The following DLG2 variants were observed in gnomAD, a reference collection of about 807,000 sequenced individuals.
DLG2 encodes the protein discs large MAGUK scaffold protein 2, also known as disks large homolog 2.
Under a neutral mutation model 132.5 loss-of-function variants are expected in DLG2, and 45 were observed. The observed-to-expected ratio is 0.34, with a 90% CI of 0.27 to 0.44. The LOEUF (loss-of-function observed/expected upper bound fraction) is 0.44, where lower values mean the gene tolerates loss of function less well. Among genes scored for constraint, DLG2 ranks in the 20% least tolerant of loss-of-function variants. The pLI is 1.00. For missense variants in DLG2, 1,045 were observed against 1,196.9 expected (o/e 0.87, Z 1.87); for synonymous variants, 424 against 419.6 (o/e 1.01, Z -0.13).
chr11:83,762,506 G>A lies in DLG2; in HGVS notation c.1825+24184C>T, dbSNP rs535558830. On this transcript the variant is annotated intron_variant, in intron 18 of 27. Coordinates refer to ENST00000376104, the MANE Select transcript of DLG2 (RefSeq NM_001142699.3). ...ATATAGATTTTGTCAACACATGTTT[G>A]TGCCATGAGTTTGGGAATTGTAGTA... 1.2e-3 allele frequency among the ~76,000 whole-genome samples: 184 copies of A among 152,252 alleles called. 2 individuals are homozygous for A. The highest frequency in any genetic ancestry group is 4.3e-3 in the African/African-American group (179 of 41,552).
At chr11:84,090,600 C>T (rs2097075007) in intron 10 of DLG2, among the ~76,000 whole-genome samples, 1 of 152,090 alleles carries the variant, frequency 6.6e-6, no homozygotes, top group African/African-American at 2.4e-5. Flanking sequence ...GCCAAAATTA[C>T]ATATGTGAAA....
chr11:84,571,345 C>T (rs915509545), intron 6 of DLG2, among the ~76,000 whole-genome samples: 1 of 151,280 alleles, frequency 6.6e-6, no homozygotes, highest in African/African-American at 2.4e-5. Context: ...TCTTTTCTTT[C>T]TCCTTCCACA....
chr11:85,113,294 A>C (rs979991021), intron 5 of DLG2, among the ~76,000 whole-genome samples: 2 of 152,054 alleles, frequency 1.3e-5, no homozygotes, highest in African/African-American at 4.8e-5. Context: ...ATAGATATAG[A>C]TTCTCCTCAG....
At chr11:85,563,562 G>A (rs2077369792) in intron 3 of DLG2, among the ~76,000 whole-genome samples, 1 of 151,708 alleles carries the variant, frequency 6.6e-6, no homozygotes, top group Admixed American at 6.6e-5. Context: ...GAATCATATA[G>A]TATGTACTCT....
intron 14 of DLG2, among the ~76,000 whole-genome samples, chr11:83,944,612 G>A (rs1254388812): frequency 1.3e-5 from 2 of 152,294 alleles, no homozygotes; most frequent in East Asian, 3.9e-4. Context: ...TTTTTAGAAA[G>A]ACTAGCAATA....
At chr11:85,484,950 C>A (rs1187247889) in intron 3 of DLG2, among the ~76,000 whole-genome samples, 3 of 152,108 alleles carry the variant, frequency 2.0e-5, no homozygotes, top group Non-Finnish European at 4.4e-5. Context: ...TTGGAACCAA[C>A]CCAAATGTCC....
intron 6 of DLG2, among the ~76,000 whole-genome samples, chr11:84,698,019 G>A (rs118097859): frequency 1.0e-3 from 151 of 151,360 alleles, no homozygotes; most frequent in South Asian, 1.9e-3. Context: ...TTTATTTAAT[G>A]TCTACCATCA....
At chr11:84,209,391 G>A (rs186423400) in intron 8 of DLG2, among the ~76,000 whole-genome samples, 3 of 152,176 alleles carry the variant, frequency 2.0e-5, no homozygotes, top group African/African-American at 7.2e-5. Context: ...GCGGAATCTC[G>A]GACTGAATTC....
At chr11:84,787,118 T>C (rs369237160) in intron 6 of DLG2, among the ~76,000 whole-genome samples, 8 of 152,314 alleles carry the variant, frequency 5.3e-5, no homozygotes, top group African/African-American at 1.9e-4. Context: ...CTGCCTTAAA[T>C]GTGACCCACA....
chr11:83,822,608 T>C (rs1744783583), intron 17 of DLG2, among the ~76,000 whole-genome samples: 1 of 152,056 alleles, frequency 6.6e-6, no homozygotes, highest in African/African-American at 2.4e-5. Flanking sequence ...ACGTGTAAGG[T>C]GCATGGAGAA....
intron 3 of DLG2, among the ~76,000 whole-genome samples, chr11:85,431,496 G>C (rs1200234446): frequency 6.6e-6 from 1 of 152,262 alleles, no homozygotes. Flanking sequence ...CAGCCACATG[G>C]CTAGAATCTG....
chr11:85,357,740 ATATATATATATATATATATATT>A (rs2083845308), intron 3 of DLG2, among the ~76,000 whole-genome samples: 1 of 21,432 alleles, frequency 4.7e-5, no homozygotes, highest in Non-Finnish European at 9.5e-5. Context: ...ATATATATAT[ATATATATATATATATATATATT>A]TTATACTTTA....
intron 3 of DLG2, among the ~76,000 whole-genome samples, chr11:85,488,163 G>T (rs938228091): frequency 6.6e-6 from 1 of 152,168 alleles, no homozygotes; most frequent in Non-Finnish European, 1.5e-5. Flanking sequence ...GGCTGAAGTG[G>T]GCGGATCACG....
chr11:85,069,644 C>G (rs2065494784), intron 6 of DLG2, among the ~76,000 whole-genome samples: 1 of 152,074 alleles, frequency 6.6e-6, no homozygotes, highest in South Asian at 2.1e-4. Context: ...ATTAAAAATT[C>G]AGGAAATAAC....
intron 7 of DLG2, among the ~76,000 whole-genome samples, chr11:84,374,199 G>A (rs1440282466): frequency 2.0e-5 from 3 of 152,090 alleles, no homozygotes; most frequent in African/African-American, 7.2e-5. Flanking sequence ...CCACATGCCT[G>A]AAATCAAGCT....
At chr11:85,197,905 G>A (rs537318034) in intron 4 of DLG2, among the ~76,000 whole-genome samples, 1 of 152,254 alleles carries the variant, frequency 6.6e-6, no homozygotes, top group South Asian at 2.1e-4. Context: ...TGTTTCCTCA[G>A]CTAAAATCTT....
At chr11:84,739,562 A>G (rs2064314618) in intron 6 of DLG2, among the ~76,000 whole-genome samples, 1 of 152,200 alleles carries the variant, frequency 6.6e-6, no homozygotes, top group Non-Finnish European at 1.5e-5. Flanking sequence ...TTAAAAATGG[A>G]AAGCTGCTAG....
chr11:84,132,652 G>C (rs2094462103), intron 9 of DLG2, among the ~76,000 whole-genome samples: 1 of 152,006 alleles, frequency 6.6e-6, no homozygotes, highest in Non-Finnish European at 1.5e-5. Context: ...ATGATTACCT[G>C]ATTTCAGAGT....
At chr11:85,491,425 C>A (rs917864356) in intron 3 of DLG2, among the ~76,000 whole-genome samples, 8 of 152,030 alleles carry the variant, frequency 5.3e-5, no homozygotes, top group African/African-American at 1.7e-4. Context: ...CCAGAGCAAT[C>A]AAGCAAGAGA....
Sources: gnomAD v4.1 joint callset for allele counts (sites outside exome capture counted in the v4.1 genomes callset) on GRCh38, gnomAD v4.1.1 for gene constraint, MANE v1.5 for transcripts, NCBI Gene and HGNC (gene_info 2026-07-23, HGNC 2026-07-21) for gene names.